Variants in NYX observed in about 807,000 individuals in gnomAD.
The protein encoded by NYX is leucine-rich repeat protein.
For missense variants in NYX, 481 were observed against 485.4 expected (o/e 0.99, Z 0.09); for synonymous variants, 258 against 245.7 (o/e 1.05, Z -0.47).
rs1298178868 is a variant in NYX, at chrX:41,471,827, ATATG to A, written c.23-1660_23-1657del. On this transcript the variant is annotated intron_variant, in intron 2 of 2. Coordinates refer to ENST00000378220, the MANE Select transcript of NYX (RefSeq NM_001378477.3). ...TATAAGGGCACTGGTGTATATATAT[ATATG>A]TATTTTTTTTTTTTTTTCCCCTGGG... Among the ~76,000 whole-genome samples, 15 of 52,365 alleles carry A rather than the reference ATATG, an allele frequency of 2.9e-4. No homozygotes were observed. The East Asian group carries it at 0.12, about 403-fold the overall frequency. The allele number at this position is 52,365 out of a possible 115,157, so 45.5% of individuals were successfully genotyped here. A position where few individuals can be genotyped will look rare whatever the true frequency, so the allele number is the denominator to read the frequency against.
At chrX:41,471,836 T>C (rs895914455) in intron 2 of NYX, among the ~76,000 whole-genome samples, 5 of 29,563 alleles carry the variant, frequency 1.7e-4, no homozygotes, top group Non-Finnish European at 2.1e-4. Flanking sequence ...TATATGTATT[T>C]TTTTTTTTTT....
chrX:41,474,779 G>T lies in NYX; in HGVS notation c.1311G>T (p.Leu437=). 1 of 1,197,071 alleles carries T rather than the reference G, an allele frequency of 8.4e-7. No individual in the cohort carries two copies. Among genetic ancestry groups the T allele is most frequent in the Non-Finnish European group, 1.1e-6 (1 of 889,249 alleles). The change falls in exon 3 of 3, where the codon CTG becomes CTT. Residue 437 remains leucine, a synonymous_variant. Coordinates refer to ENST00000378220, the MANE Select transcript of NYX (RefSeq NM_001378477.3). ...CTGGGGGGCTGGCCAACGCCTCCCT[G>T]TCCGACAGCCTCTCCTCCCGTGGGG... The part of the protein sequence containing the change: ...NTTGGLANAS[L]SDSLSSRGVG...
chrX:41,470,584 C>G (rs747009971), intron 2 of NYX, among the ~76,000 whole-genome samples: 1 of 107,698 alleles, frequency 9.3e-6, no homozygotes, highest in South Asian at 4.2e-4. Context: ...ATCCCAGCTA[C>G]TCGGGTGGCT....
At chrX:41,457,216 G>A (rs1458238305) in intron 2 of NYX, among the ~76,000 whole-genome samples, 5 of 105,222 alleles carry the variant, frequency 4.8e-5, no homozygotes, top group African/African-American at 1.7e-4. Context: ...TGAGGCAGGA[G>A]AATCGCTTGA....
chrX:41,463,422 CTTTTTT>C (rs58958947), intron 2 of NYX, among the ~76,000 whole-genome samples: 1 of 96,001 alleles, frequency 1.0e-5, no homozygotes, highest in African/African-American at 3.8e-5. Context: ...ATAGTAGTCT[CTTTTTT>C]TTTTTTTTTC....
rs767300031 is a variant in NYX at position 41,475,287 on chromosome X, A to G, written c.*388A>G. 1.4e-4 allele frequency: 26 copies of G among 189,268 alleles called. No individual in the cohort carries two copies. Among genetic ancestry groups the G allele is most frequent in the African/African-American group, 7.2e-4 (24 of 33,212 alleles). 15.6% of individuals were successfully genotyped at this position (189,268 alleles called of 1,213,427 possible). On this transcript the variant is annotated 3_prime_UTR_variant, in exon 3 of 3. Coordinates refer to ENST00000378220, the MANE Select transcript of NYX (RefSeq NM_001378477.3). Reference sequence around the variant, plus strand: ...TGGCTAAGTAGTTAAGAGCCGTCCCATTTCTCCTGGCGGGGTAACCCATTA... The same window carrying G: ...TGGCTAAGTAGTTAAGAGCCGTCCCGTTTCTCCTGGCGGGGTAACCCATTA...
chrX:41,473,326 G>T (rs368623757), intron 2 of NYX, among the ~76,000 whole-genome samples, 165 bp from the exon 3 acceptor site: 1 of 111,271 alleles, frequency 9.0e-6, no homozygotes, highest in Non-Finnish European at 1.9e-5. Flanking sequence ...GTGAGGCCGC[G>T]GAGGTGGGAA....
At chrX:41,452,025 G>A (rs753708865) in intron 2 of NYX, among the ~76,000 whole-genome samples, 2 of 111,189 alleles carry the variant, frequency 1.8e-5, no homozygotes, top group South Asian at 7.6e-4. Flanking sequence ...CCAGGCTGGA[G>A]TGTAGTGGTG....
chrX:41,465,642 C>G (rs183131007), intron 2 of NYX, among the ~76,000 whole-genome samples: 1 of 104,322 alleles, frequency 9.6e-6, no homozygotes, highest in African/African-American at 3.5e-5. Context: ...ACCTGCCCCC[C>G]GAGTAGCTGG....
intron 2 of NYX, among the ~76,000 whole-genome samples, chrX:41,460,506 T>C (rs2064314547): frequency 1.0e-5 from 1 of 97,014 alleles, no homozygotes; most frequent in African/African-American, 4.1e-5. Flanking sequence ...TTTTATCCAT[T>C]TTTTAAAAAT....
At chrX:41,471,833 ATTTT>A (rs61276668) in intron 2 of NYX, among the ~76,000 whole-genome samples, 35,916 of 101,307 alleles carry the variant, frequency 0.35, 4,622 homozygotes, top group South Asian at 0.61. Context: ...ATATATATGT[ATTTT>A]TTTTTTTTTT....
At chrX:41,470,864 G>C (rs2064356915) in intron 2 of NYX, among the ~76,000 whole-genome samples, 1 of 110,390 alleles carries the variant, frequency 9.1e-6, no homozygotes, top group Admixed American at 9.8e-5. Flanking sequence ...CAGATCTAGG[G>C]TGAAGGCCAC....
At position 41,473,847 on chromosome X, in the gene NYX, G is replaced by A. The variant is rs746675282; in HGVS notation, c.379G>A (p.Ala127Thr). ...DLRYLHARTF[A>T]ALSRLRRLDL... ...GCGCTACCTGCACGCGCGCACCTTCGCGGCGCTCAGCCGCCTGCGCCGCCT... is the reference window on the plus strand; with the variant it reads ...GCGCTACCTGCACGCGCGCACCTTCACGGCGCTCAGCCGCCTGCGCCGCCT... The change falls in exon 3 of 3, where the codon GCG becomes ACG. Residue 127 changes from alanine to threonine, a missense_variant. By Grantham distance (58) the Ala-to-Thr change is moderately conservative. Coordinates refer to ENST00000378220, the MANE Select transcript of NYX (RefSeq NM_001378477.3). 23 of 1,101,384 alleles carry A rather than the reference G, an allele frequency of 2.1e-5. No homozygotes were observed. Among genetic ancestry groups the A allele is most frequent in the Middle Eastern group, 5.0e-4 (2 of 4,020 alleles). The allele number at this position is 1,101,384 out of a possible 1,213,427, so 90.8% of individuals were successfully genotyped here.
chrX:41,461,753 T>C (rs769591935), intron 2 of NYX, among the ~76,000 whole-genome samples: 21 of 111,470 alleles, frequency 1.9e-4, no homozygotes, highest in African/African-American at 2.6e-4. Context: ...TTTTGCGTTG[T>C]GGTTTTGATT....
At chrX:41,447,678 T>C (rs2064262984) in intron 1 of NYX, 162 bp downstream of exon 1, 1 of 451,849 alleles carries the variant, frequency 2.2e-6, no homozygotes, top group South Asian at 3.2e-5. Context: ...TGTGGGGAGC[T>C]TCTGATTTTC....
chrX:41,449,222 G>A (rs2064270548), intron 2 of NYX, among the ~76,000 whole-genome samples: 1 of 111,652 alleles, frequency 9.0e-6, no homozygotes, highest in African/African-American at 3.3e-5. Context: ...CTCTGTATGC[G>A]ATGCTGATAG....
chrX:41,450,768 C>A, intron 2 of NYX, among the ~76,000 whole-genome samples: 1 of 102,302 alleles, frequency 9.8e-6, no homozygotes. Context: ...GCCTCAGCCT[C>A]CTGAGTAGCT....
chrX:41,461,748 C>T (rs746774732), intron 2 of NYX, among the ~76,000 whole-genome samples: 2 of 110,915 alleles, frequency 1.8e-5, no homozygotes, highest in Admixed American at 9.7e-5. Flanking sequence ...GGTGGTTTTG[C>T]GTTGTGGTTT....
intron 2 of NYX, among the ~76,000 whole-genome samples, chrX:41,460,876 A>ATTCTTTTTTTTTTTTTTTTTTT (rs1335308569): frequency 4.0e-5 from 1 of 24,778 alleles, no homozygotes; most frequent in Non-Finnish European, 6.9e-5. Context: ...CACAGTATGT[A>ATTCTTTTTTTTTTTTTTTTTTT]TTTTTTTTTT....
Sources: allele counts gnomAD v4.1 joint callset (sites outside exome capture counted in the v4.1 genomes callset), GRCh38; gene constraint gnomAD v4.1.1; transcripts MANE v1.5; gene names NCBI Gene and HGNC (gene_info 2026-07-23, HGNC 2026-07-21).